DNM1: variants seen among roughly 807,000 people sequenced by gnomAD.
DNM1 encodes the protein dynamin 1.
DNM1 carries 29 observed loss-of-function variants against 104.6 expected under a neutral mutation model. The observed-to-expected ratio is 0.28, with a 90% CI of 0.21 to 0.38. The LOEUF (loss-of-function observed/expected upper bound fraction) is 0.38. DNM1 is among the 10% of genes least tolerant of loss of function. DNM1 has a pLI of 1.00. For synonymous variants in DNM1, 445 were observed against 475.8 expected (o/e 0.94, Z 0.84); for missense variants, 640 against 1,189.4 (o/e 0.54, Z 6.79).
rs763130063 is a variant in DNM1 at position 128,239,996 on chromosome 9, G to C, written c.1557G>C (p.Leu519=). ...TTACCTCTTTGCAGGATGAGATTCT[G>C]GTGAGTACCAGGACTGGGGCTCTCG... ...KKTSGNQDEI[L]VIRKGWLTIN... Residue 519 remains leucine, a splice_region_variant and synonymous_variant, in exon 14 of 22, where the codon CTG becomes CTC. Coordinates refer to ENST00000372923, the MANE Select transcript of DNM1 (RefSeq NM_004408.4). 2 of 1,613,996 alleles carry C rather than the reference G, an allele frequency of 1.2e-6. No individual in the cohort carries two copies. Among genetic ancestry groups the C allele is most frequent in the Admixed American group, 3.3e-5 (2 of 59,988 alleles).
chr9:128,211,336 C>G (rs188881144), intron 1 of DNM1, among the ~76,000 whole-genome samples: 37 of 152,342 alleles, frequency 2.4e-4, no homozygotes, highest in African/African-American at 8.2e-4. Context: ...GGCTGATTAC[C>G]CAGTCCTGCT....
At position 128,253,819 on chromosome 9, in the gene DNM1, T is replaced by C. The variant is rs1829678061; in HGVS notation, c.2535-835T>C. Reference sequence around the variant, plus strand: ...TAGCTGCTAGTGTGACTGAAGGCAGTGTCCCTGGCCCCAGCTGAAGCACCG... The same window carrying C: ...TAGCTGCTAGTGTGACTGAAGGCAGCGTCCCTGGCCCCAGCTGAAGCACCG... On this transcript the variant is annotated intron_variant, in intron 21 of 21. Coordinates refer to ENST00000372923, the MANE Select transcript of DNM1 (RefSeq NM_004408.4). The surrounding 1 kb of genome is among the most constrained non-coding windows in gnomAD (Gnocchi z 5.9). 1.3e-6 allele frequency: 1 copy of C among 782,852 alleles called. No individual in the cohort carries two copies. Among genetic ancestry groups the C allele is most frequent in the African/African-American group, 1.8e-5 (1 of 55,696 alleles). 48.5% of individuals were successfully genotyped at this position (782,852 alleles called of 1,614,324 possible).
At chr9:128,244,772 T>C (rs754759597) in intron 15 of DNM1, 6 of 534,304 alleles carry the variant, frequency 1.1e-5, no homozygotes, top group Admixed American at 5.8e-5. Context: ...ACTGTACAAT[T>C]TGGGAGTCCT....
chr9:128,252,093 C>T (rs2131304072), intron 21 of DNM1: 1 of 204,140 alleles, frequency 4.9e-6, no homozygotes, highest in East Asian at 1.7e-4. Context: ...CTTTCCCTCC[C>T]AGAGCCTCAG....
chr9:128,229,945 C>T (rs542499762), intron 10 of DNM1, among the ~76,000 whole-genome samples: 21 of 145,164 alleles, frequency 1.4e-4, no homozygotes, highest in Non-Finnish European at 3.0e-4. Flanking sequence ...GGTGGCCAGG[C>T]GTGGTGGCTC....
intron 1 of DNM1, among the ~76,000 whole-genome samples, chr9:128,213,133 G>C (rs1291977002): frequency 6.6e-6 from 1 of 152,194 alleles, no homozygotes; most frequent in Non-Finnish European, 1.5e-5. Flanking sequence ...CCAGGCTGGA[G>C]TACAGCGGCA....
rs1588469474 is a variant in DNM1, at chr9:128,254,213, T to C, written c.2535-441T>C. The C allele has an allele frequency of 7.5e-7, 1 of 1,340,964 alleles. No homozygotes were observed. Among genetic ancestry groups the C allele is most frequent in the Non-Finnish European group, 9.5e-7 (1 of 1,054,626 alleles). The allele number at this position is 1,340,964 out of a possible 1,614,324, so 83.1% of individuals were successfully genotyped here. ...GCCATCCCTTTTAGTTTCACCCTCC[T>C]GGTTCAAGCAGTGTTCTTTCTCTAT... On this transcript the variant is annotated intron_variant, in intron 21 of 21. Coordinates refer to ENST00000372923, the MANE Select transcript of DNM1 (RefSeq NM_004408.4). The surrounding 1 kb of genome is among the most constrained non-coding windows in gnomAD (Gnocchi z 6.1).
chr9:128,254,934 T>C lies in DNM1; in HGVS notation c.*220T>C. 1 of 528,210 alleles carries C rather than the reference T, an allele frequency of 1.9e-6. No homozygotes were observed. Among genetic ancestry groups the C allele is most frequent in the Non-Finnish European group, 3.3e-6 (1 of 300,426 alleles). The allele number at this position is 528,210 out of a possible 1,614,324, so 32.7% of individuals were successfully genotyped here. ...CTGTTCTATAAATATCTATAAATACTCATATATATACACACCTACACATGG... is the reference window on the plus strand; with the variant it reads ...CTGTTCTATAAATATCTATAAATACCCATATATATACACACCTACACATGG... On this transcript the variant is annotated 3_prime_UTR_variant, in exon 22 of 22. Coordinates refer to ENST00000372923, the MANE Select transcript of DNM1 (RefSeq NM_004408.4). This position sits in a 1 kb window ranked among gnomAD's most constrained non-coding sequence, Gnocchi z 6.1.
chr9:128,213,546 G>A (rs1834432797), intron 1 of DNM1, among the ~76,000 whole-genome samples: 2 of 152,150 alleles, frequency 1.3e-5, no homozygotes. Context: ...AAGAAATAAG[G>A]GAAGGTAATA....
In DNM1 at chr9:128,255,076, C is replaced by G. The variant is rs957757107; in HGVS notation, c.*362C>G. On this transcript the variant is annotated 3_prime_UTR_variant, in exon 22 of 22. Coordinates refer to ENST00000372923, the MANE Select transcript of DNM1 (RefSeq NM_004408.4). ...CATCCCACTCCAAAGTGTGCCACCTCCAGTGAGCCTCCTTGTCATGCCCGG... is the reference window on the plus strand; with the variant it reads ...CATCCCACTCCAAAGTGTGCCACCTGCAGTGAGCCTCCTTGTCATGCCCGG... The G allele has an allele frequency of 5.1e-6, 1 of 197,808 alleles. No individual in the cohort carries two copies. The highest frequency in any genetic ancestry group is 2.4e-5 in the African/African-American group (1 of 42,000). 12.3% of individuals were successfully genotyped at this position (197,808 alleles called of 1,614,324 possible). A position where few individuals can be genotyped will look rare whatever the true frequency, so the allele number is the denominator to read the frequency against.
At chr9:128,244,311 G>A (rs1358003100) in intron 15 of DNM1, among the ~76,000 whole-genome samples, 4 of 151,776 alleles carry the variant, frequency 2.6e-5, no homozygotes, top group African/African-American at 9.7e-5. Flanking sequence ...AAGTGTGGGG[G>A]TGCTCATGTG....
Position 128,246,459 on chromosome 9 carries a change from T to C in DNM1, c.1737T>C (p.Phe579=), listed in dbSNP as rs770618493. Residue 579 remains phenylalanine (F), a synonymous_variant, in exon 16 of 22, where the codon TTT becomes TTC. Transcript: ENST00000372923. ...AGCTGCGGGACGTGGAGAAGGGCTT[T>C]ATGTCGAGCAAGCATATCTTTGCCC... is the stretch of plus-strand genomic sequence containing the variant. ...NLKLRDVEKG[F]MSSKHIFALF... The C allele has an allele frequency of 6.2e-7, 1 of 1,614,082 alleles. No homozygotes were observed. Among genetic ancestry groups the C allele is most frequent in the South Asian group, 1.1e-5 (1 of 91,080 alleles).
In DNM1 at chr9:128,222,043, G is replaced by T. The variant is rs1418254425; in HGVS notation, c.850-154G>T. ...ATACATCTCTGCAAGCTCCTTCTAT[G>T]AACCAGTTTTCTTGCTAGTGGCCCG... On this transcript the variant is annotated intron_variant, in intron 6 of 21. Coordinates refer to ENST00000372923, the MANE Select transcript of DNM1 (RefSeq NM_004408.4). This position sits in a 1 kb window ranked among gnomAD's most constrained non-coding sequence, Gnocchi z 7.8. Among the ~76,000 whole-genome samples, 7 of 152,166 alleles carry T rather than the reference G, an allele frequency of 4.6e-5. No homozygotes were observed. Among genetic ancestry groups the T allele is most frequent in the African/African-American group, 1.7e-4 (7 of 41,426 alleles).
At position 128,253,772 on chromosome 9, in the gene DNM1, C is replaced by A; in HGVS notation, c.2535-882C>A. The A allele has an allele frequency of 2.3e-6, 1 of 432,680 alleles. No individual in the cohort carries two copies. Among genetic ancestry groups the A allele is most frequent in the Non-Finnish European group, 3.8e-6 (1 of 265,976 alleles). The allele number at this position is 432,680 out of a possible 1,614,324, so 26.8% of individuals were successfully genotyped here. A position where few individuals can be genotyped will look rare whatever the true frequency, so the allele number is the denominator to read the frequency against. ...CCAGGCAGGGACACACAGCCCCCTT[C>A]CCTCCCTCCCAGGTACCGTCATAGC... On this transcript the variant is annotated intron_variant, in intron 21 of 21. Transcript: ENST00000372923. The surrounding 1 kb of genome is among the most constrained non-coding windows in gnomAD (Gnocchi z 5.9).
chr9:128,249,927 C>T (rs935058231), intron 19 of DNM1, among the ~76,000 whole-genome samples, 188 bp from the exon 20 acceptor site: 1 of 152,078 alleles, frequency 6.6e-6, no homozygotes, highest in African/African-American at 2.4e-5. Flanking sequence ...GATGACTTTT[C>T]CTGTGGACCT....
chr9:128,235,748 C>T (rs1050981557), intron 11 of DNM1, among the ~76,000 whole-genome samples: 1 of 152,116 alleles, frequency 6.6e-6, no homozygotes, highest in African/African-American at 2.4e-5. Flanking sequence ...CCTGCTCTGT[C>T]GCCCCTGCTA....
chr9:128,225,037 GCAGGGAGGCAGGA>G (rs1176017697), intron 10 of DNM1, among the ~76,000 whole-genome samples: 2 of 152,124 alleles, frequency 1.3e-5, no homozygotes, highest in African/African-American at 4.8e-5. Context: ...ACAGAAGCAC[GCAGGGAGGCAGGA>G]CAGGGAGGAC....
At position 128,243,589 on chromosome 9, in the gene DNM1, G is replaced by A. The variant is rs1478275134; in HGVS notation, c.1671+1244G>A. ...GCCTCCCCCACCATGGGGGCCCCTG[G>A]AAGGGATGGAGTGTGCAGTGGCATG... On this transcript the variant is annotated intron_variant, in intron 15 of 21. Transcript: ENST00000372923. The surrounding 1 kb of genome is among the most constrained non-coding windows in gnomAD (Gnocchi z 4.0). 6.6e-6 allele frequency among the ~76,000 whole-genome samples: 1 copy of A among 152,208 alleles called. No individual in the cohort carries two copies. Among genetic ancestry groups the A allele is most frequent in the Non-Finnish European group, 1.5e-5 (1 of 68,030 alleles).
At chr9:128,215,209 A>T (rs1834532985) in intron 1 of DNM1, among the ~76,000 whole-genome samples, 1 of 152,236 alleles carries the variant, frequency 6.6e-6, no homozygotes, top group Non-Finnish European at 1.5e-5. Context: ...GGAAAGGCCA[A>T]TGTAGGATTC....
Sources: allele counts gnomAD v4.1 joint callset (sites outside exome capture counted in the v4.1 genomes callset), GRCh38; gene constraint gnomAD v4.1.1; non-coding constraint Gnocchi (gnomAD v3.1); transcripts MANE v1.5; gene names NCBI Gene and HGNC (gene_info 2026-07-23, HGNC 2026-07-21).